PDE4D: variants seen among roughly 807,000 people sequenced by gnomAD.
PDE4D encodes phosphodiesterase 4D.
PDE4D carries 24 observed loss-of-function variants against 87.4 expected under a neutral mutation model. The ratio of observed to expected loss-of-function variants is 0.27; its 90% CI spans 0.20 to 0.39. PDE4D has a LOEUF of 0.39. PDE4D is among the 10% of genes least tolerant of loss of function. PDE4D has a pLI of 1.00. For missense variants in PDE4D, 714 were observed against 1,041.0 expected, an observed-to-expected ratio of 0.69 and a Z score of 4.32; for synonymous variants, 384 against 383.2, an observed-to-expected ratio of 1.00 and a Z score of -0.02.
At chr5:60,103,445 C>T (rs547513200) in intron 2 of PDE4D, among the ~76,000 whole-genome samples, 84 of 152,110 alleles carry the variant, frequency 5.5e-4, no homozygotes, top group Non-Finnish European at 1.0e-3. Flanking sequence ...TACCAGCATT[C>T]CAGCCATATA....
chr5:60,154,570 G>C (rs562771282), intron 2 of PDE4D, among the ~76,000 whole-genome samples: 1 of 152,202 alleles, frequency 6.6e-6, no homozygotes, highest in African/African-American at 2.4e-5. Context: ...CACTGCACCC[G>C]GCCCTATTAA....
At chr5:60,333,388 C>A (rs1313188497) in intron 1 of PDE4D, among the ~76,000 whole-genome samples, 1 of 152,176 alleles carries the variant, frequency 6.6e-6, no homozygotes, top group Non-Finnish European at 1.5e-5. Context: ...CCTGTTCACA[C>A]TGCATATGGC....
intron 1 of PDE4D, among the ~76,000 whole-genome samples, chr5:59,370,911 A>G (rs1288634542): frequency 1.3e-5 from 2 of 152,200 alleles, no homozygotes; most frequent in Non-Finnish European, 1.5e-5. Context: ...TGAATATCCA[A>G]GGTGTAGTGA....
chr5:59,811,806 T>C (rs1228480239), intron 1 of PDE4D, among the ~76,000 whole-genome samples: 1 of 152,226 alleles, frequency 6.6e-6, no homozygotes, highest in African/African-American at 2.4e-5. Context: ...TATTTTCTCA[T>C]ATGTAAAAAC....
chr5:60,092,503 T>A (rs1582613298), intron 2 of PDE4D, among the ~76,000 whole-genome samples: 1 of 152,178 alleles, frequency 6.6e-6, no homozygotes, highest in Non-Finnish European at 1.5e-5. Flanking sequence ...TTACTCTGAT[T>A]TGATTATTAC....
chr5:60,201,287 T>C (rs1429379567), intron 1 of PDE4D, among the ~76,000 whole-genome samples: 2 of 148,752 alleles, frequency 1.3e-5, no homozygotes, highest in Non-Finnish European at 3.0e-5. Context: ...GGTTTTCCTA[T>C]ATACCAACAA....
At chr5:59,120,001 T>C (rs1162854677) in intron 5 of PDE4D, among the ~76,000 whole-genome samples, 4 of 152,056 alleles carry the variant, frequency 2.6e-5, no homozygotes, top group African/African-American at 9.7e-5. Context: ...TGCACTACTC[T>C]GCTTGGCTAA....
At chr5:60,270,599 G>T (rs1750712316) in intron 1 of PDE4D, among the ~76,000 whole-genome samples, 1 of 152,054 alleles carries the variant, frequency 6.6e-6, no homozygotes, top group African/African-American at 2.4e-5. Context: ...ATGGGAAAAA[G>T]AAAAGTCCAG....
chr5:59,088,937 A>G (rs1336091512), intron 5 of PDE4D, among the ~76,000 whole-genome samples: 1 of 152,210 alleles, frequency 6.6e-6, no homozygotes, highest in Non-Finnish European at 1.5e-5. Context: ...TGAACTTAAA[A>G]GTTAAAAAGA....
chr5:59,569,106 A>C (rs1821403855), intron 1 of PDE4D, among the ~76,000 whole-genome samples: 1 of 152,216 alleles, frequency 6.6e-6, no homozygotes, highest in South Asian at 2.1e-4. Context: ...TCGTACAATC[A>C]AATAGTAAGG....
At chr5:60,279,137 G>C (rs12656836) in intron 1 of PDE4D, among the ~76,000 whole-genome samples, 15,118 of 152,176 alleles carry the variant, frequency 0.099, 1,038 homozygotes, top group South Asian at 0.29. Context: ...CTTAGGAAGA[G>C]GCTCCTTATT....
chr5:59,864,916 C>T (rs1746797739), intron 1 of PDE4D, among the ~76,000 whole-genome samples: 1 of 152,190 alleles, frequency 6.6e-6, no homozygotes, highest in African/African-American at 2.4e-5. Context: ...AGGATGCTGA[C>T]AGGCCTGCTC....
chr5:60,383,604 G>C (rs2150011026), intron 1 of PDE4D, among the ~76,000 whole-genome samples: 1 of 152,326 alleles, frequency 6.6e-6, no homozygotes, highest in Admixed American at 6.5e-5. Flanking sequence ...AACTCAGAGA[G>C]GTGAATGGAC....
intron 1 of PDE4D, among the ~76,000 whole-genome samples, chr5:60,448,401 C>T (rs1422238532): frequency 3.9e-5 from 6 of 152,158 alleles, no homozygotes. Flanking sequence ...ACACAGATGT[C>T]TGCCCTGCAC....
At chr5:59,472,896 A>C (rs1425095571) in intron 1 of PDE4D, among the ~76,000 whole-genome samples, 1 of 152,144 alleles carries the variant, frequency 6.6e-6, no homozygotes, top group Non-Finnish European at 1.5e-5. Context: ...GTAAGGGCTA[A>C]AAGCAGATTG....
At chr5:59,215,178 GTTTTTC>G (rs1485488071) in intron 2 of PDE4D, among the ~76,000 whole-genome samples, 1 of 152,122 alleles carries the variant, frequency 6.6e-6, no homozygotes, top group Non-Finnish European at 1.5e-5. Flanking sequence ...AGTTTTCATT[GTTTTTC>G]AAGCTGTACT....
chr5:59,941,888 A>C (rs1007764864), intron 3 of PDE4D, among the ~76,000 whole-genome samples: 3 of 152,216 alleles, frequency 2.0e-5, no homozygotes, highest in Admixed American at 1.3e-4. Context: ...GGGATTTGGC[A>C]GGGGAGGAAG....
intron 1 of PDE4D, among the ~76,000 whole-genome samples, chr5:59,725,521 T>C (rs774719522): frequency 8.6e-5 from 13 of 152,028 alleles, no homozygotes; most frequent in Non-Finnish European, 1.8e-4. Context: ...AAAAAGGAGA[T>C]CTATCCCTTG....
chr5:59,640,966 G>A (rs1741482513), intron 1 of PDE4D, among the ~76,000 whole-genome samples: 1 of 151,540 alleles, frequency 6.6e-6, no homozygotes, highest in African/African-American at 2.4e-5. Flanking sequence ...TTCATTCTCA[G>A]AGATTTATAG....
Sources: gnomAD v4.1 joint callset for allele counts (sites outside exome capture counted in the v4.1 genomes callset) on GRCh38, gnomAD v4.1.1 for gene constraint, MANE v1.5 for transcripts, NCBI Gene and HGNC (gene_info 2026-07-23, HGNC 2026-07-21) for gene names.